Variants in PIEZO1 observed in about 807,000 individuals in gnomAD.
The protein encoded by PIEZO1 is piezo type mechanosensitive ion channel component 1 (Er blood group).
In PIEZO1, 296 loss-of-function variants were observed where a neutral mutation model predicts 297.2. The ratio of observed to expected loss-of-function variants is 1.00; its 90% CI spans 0.91 to 1.10. The LOEUF is 1.10. PIEZO1 is among the 50% of genes least tolerant of loss of function. PIEZO1 has a pLI of 0.00. For synonymous variants in PIEZO1, 2,427 were observed against 1,507.5 expected, an observed-to-expected ratio of 1.61 and a Z score of -14.13; for missense variants, 5,018 against 3,455.5, an observed-to-expected ratio of 1.45 and a Z score of -11.34.
At chr16:88,717,946 G>A (rs975507442) in intron 44 of PIEZO1, 2 of 369,030 alleles carry the variant, frequency 5.4e-6, no homozygotes, top group African/African-American at 4.3e-5. Flanking sequence ...AGCCAGGCCT[G>A]GTGGTGCACA....
intron 16 of PIEZO1, 116 bp from the exon 17 acceptor site, chr16:88,734,170 G>T: frequency 1.5e-6 from 2 of 1,343,562 alleles, no homozygotes; most frequent in Non-Finnish European, 2.0e-6. Flanking sequence ...CAGGTGCACA[G>T]CTGTGTCGCA....
chr16:88,733,526 C>G (rs1171777500), intron 18 of PIEZO1, 62 bp downstream of exon 18: 2 of 1,529,970 alleles, frequency 1.3e-6, no homozygotes, highest in Non-Finnish European at 1.8e-6. Context: ...TTGGGGAGGC[C>G]AGCTGGGCAG....
intron 1 of PIEZO1, among the ~76,000 whole-genome samples, chr16:88,771,650 G>C (rs1470149811): frequency 6.6e-6 from 1 of 152,256 alleles, no homozygotes; most frequent in Non-Finnish European, 1.5e-5. Flanking sequence ...AGTCAGAGCA[G>C]GGCCATAGGG....
chr16:88,761,194 G>A (rs997669378), intron 1 of PIEZO1, among the ~76,000 whole-genome samples: 1 of 152,212 alleles, frequency 6.6e-6, no homozygotes, highest in South Asian at 2.1e-4. Flanking sequence ...CCCAGGGAGC[G>A]GGGCAAAGCC....
In PIEZO1 at chr16:88,738,670, G is replaced by C. The variant is rs1283855104; in HGVS notation, c.532C>G (p.Pro178Ala). ...GCGGCCAGCCGTGACCTCCGTGTAG[G>C]GGCCAGCGTTGCTGCTTCCTGCAGC... Reference protein sequence around the residue: ...AGLQEAATLAPTRRSRLAARF... With the variant: ...AGLQEAATLAATRRSRLAARF... The change falls in exon 6 of 51, where the codon CCT becomes GCT. Residue 178 changes from proline to alanine, a missense_variant. Transcript: ENST00000301015. 1.3e-6 allele frequency: 2 copies of C among 1,535,424 alleles called. No individual in the cohort carries two copies. The highest frequency in any genetic ancestry group is 1.7e-6 in the Non-Finnish European group (2 of 1,146,506).
In PIEZO1 at chr16:88,721,878, A is replaced by C; in HGVS notation, c.5144T>G (p.Phe1715Cys). ...CGGGATCGACAGCATGGCCCACAGGAAGACGAGCACGGGCAGCACCAGCGA... is the reference window on the plus strand; with the variant it reads ...CGGGATCGACAGCATGGCCCACAGGCAGACGAGCACGGGCAGCACCAGCGA... ...AGSLVLPVLV[F>C]LWAMLSIPRP... Residue 1715 changes from phenylalanine (F) to cysteine (C), a missense_variant, in exon 37 of 51, where the codon TTC becomes TGC. By Grantham distance (205) the Phe-to-Cys change is radical (BLOSUM62 -2). Transcript: ENST00000301015. The C allele has an allele frequency of 6.5e-7, 1 of 1,550,002 alleles. No homozygotes were observed. The highest frequency in any genetic ancestry group is 8.7e-7 in the Non-Finnish European group (1 of 1,146,772).
At chr16:88,776,971 TTTCTTC>T (rs201906007) in intron 1 of PIEZO1, among the ~76,000 whole-genome samples, 44 of 152,210 alleles carry the variant, frequency 2.9e-4, no homozygotes, top group African/African-American at 1.0e-3. Context: ...GTGTCAGGAT[TTTCTTC>T]TTCTTCTTTT....
chr16:88,742,396 A>G lies in PIEZO1; in HGVS notation c.187T>C (p.Leu63=), dbSNP rs1170335434. 1 of 1,535,252 alleles carries G rather than the reference A, an allele frequency of 6.5e-7. No homozygotes were observed. Among genetic ancestry groups the G allele is most frequent in the Non-Finnish European group, 8.7e-7 (1 of 1,146,684 alleles). ...QGHTGRLLRA[L]LGLSLLFLVA... is the part of the protein sequence containing the mutation. ...AGGAAGAGCAGGCTGAGGCCCAGCA[A>G]TGCCCGCAGGAGGCGGCCTGTGTGA... The change falls in exon 3 of 51, where the codon TTG becomes CTG. Residue 63 remains leucine, a synonymous_variant. Transcript: ENST00000301015.
rs1905448301 is a variant in PIEZO1 at position 88,738,924 on chromosome 16, C to T, written c.466-188G>A. 5.0e-6 allele frequency: 3 copies of T among 602,526 alleles called. No individual in the cohort carries two copies. The South Asian group carries it at 6.0e-5, about 12-fold the overall frequency. The allele number at this position is 602,526 out of a possible 1,614,324, so 37.3% of individuals were successfully genotyped here. On this transcript the variant is annotated intron_variant, in intron 5 of 50. Transcript: ENST00000301015. Reference sequence around the variant, plus strand: ...AGGTCTGCCTGACACCTTCCTACTTCCTCACTCAAGCTCACAGTTCCTGCA... The same window carrying T: ...AGGTCTGCCTGACACCTTCCTACTTTCTCACTCAAGCTCACAGTTCCTGCA...
At chr16:88,727,402 G>A (rs1289674929) in intron 23 of PIEZO1, among the ~76,000 whole-genome samples, 155 bp downstream of exon 23, 1 of 148,810 alleles carries the variant, frequency 6.7e-6, no homozygotes, top group African/African-American at 2.6e-5. Flanking sequence ...GCTGAGGTCT[G>A]CGTGCGTGCG....
At chr16:88,723,756 G>A (rs890690349) in intron 31 of PIEZO1, 115 bp downstream of exon 31, 2 of 640,990 alleles carry the variant, frequency 3.1e-6, no homozygotes, top group Admixed American at 2.6e-5. Flanking sequence ...GCTAACTGGA[G>A]GTGGAGGAGC....
At chr16:88,736,035 A>C in intron 12 of PIEZO1, 113 bp downstream of exon 12, 1 of 1,067,914 alleles carries the variant, frequency 9.4e-7, no homozygotes, top group Non-Finnish European at 1.3e-6. Flanking sequence ...ACAGACAGAC[A>C]CATCTGCCTT....
intron 1 of PIEZO1, among the ~76,000 whole-genome samples, chr16:88,761,013 G>A (rs758041313): frequency 6.6e-6 from 1 of 152,222 alleles, no homozygotes; most frequent in Non-Finnish European, 1.5e-5. Flanking sequence ...CAGACCTGCT[G>A]GCGTGGAGAG....
Position 88,716,848 on chromosome 16 carries a change from G to A in PIEZO1, c.6711C>T (p.Ala2237=). The stretch of plus-strand genomic sequence containing the variant: ...GCCGGGACAGCTCCTCATAGGCCTG[G>A]GCCGTGAAGGGGATGATGGACGGCT... ...AQQPSIIPFT[A]QAYEELSRQF... The change falls in exon 46 of 51, where the codon GCC becomes GCT. Residue 2237 remains alanine, a synonymous_variant. Coordinates refer to ENST00000301015, the MANE Select transcript of PIEZO1 (RefSeq NM_001142864.4). 2 of 1,550,120 alleles carry A rather than the reference G, an allele frequency of 1.3e-6. No homozygotes were observed. The highest frequency in any genetic ancestry group is 1.7e-6 in the Non-Finnish European group (2 of 1,146,946).
Position 88,732,227 on chromosome 16 carries a change from C to T in PIEZO1, c.2991+108G>A, listed in dbSNP as rs148564095. On this transcript the variant is annotated intron_variant, in intron 21 of 50. Coordinates refer to ENST00000301015, the MANE Select transcript of PIEZO1 (RefSeq NM_001142864.4). ...CCCTGAGTCCCCCACCCTCTGTGGC[C>T]CAGGCAAACCCAGGTGGGGCCAGGC... is the stretch of plus-strand genomic sequence containing the variant. 16,204 of 969,128 alleles carry T rather than the reference C, an allele frequency of 0.017. 169 individuals carry two copies. Among genetic ancestry groups the T allele is most frequent in the Non-Finnish European group, 0.021 (13,631 of 643,204 alleles). 60.0% of individuals were successfully genotyped at this position (969,128 alleles called of 1,614,324 possible).
chr16:88,772,985 G>A (rs1191331559), intron 1 of PIEZO1, among the ~76,000 whole-genome samples: 3 of 152,188 alleles, frequency 2.0e-5, no homozygotes, highest in Non-Finnish European at 4.4e-5. Context: ...GCTGGCCCCA[G>A]GGGTGCCTGG....
chr16:88,723,818 A>G, intron 31 of PIEZO1, 53 bp downstream of exon 31: 3 of 970,744 alleles, frequency 3.1e-6, no homozygotes, highest in Non-Finnish European at 3.2e-6. Context: ...GCCCTGGTCC[A>G]GGACCACAAG....
intron 20 of PIEZO1, 28 bp from the exon 21 acceptor site, chr16:88,732,563 C>T: frequency 6.5e-7 from 1 of 1,542,960 alleles, no homozygotes; most frequent in Non-Finnish European, 8.8e-7. Flanking sequence ...CAGGGGGCAG[C>T]CGGGTACTCG....
intron 16 of PIEZO1, 32 bp downstream of exon 16, chr16:88,734,324 T>G (rs1905064796): frequency 6.7e-7 from 1 of 1,483,068 alleles, no homozygotes; most frequent in Admixed American, 2.3e-5. Context: ...GCTACACCTC[T>G]CCAGGGCCGG....
Sources: gnomAD v4.1 joint callset for allele counts (sites outside exome capture counted in the v4.1 genomes callset) on GRCh38, gnomAD v4.1.1 for gene constraint, MANE v1.5 for transcripts, NCBI Gene and HGNC (gene_info 2026-07-23, HGNC 2026-07-21) for gene names.